Variants in SPRED2 observed in about 807,000 individuals in gnomAD.
SPRED2 encodes sprouty related EVH1 domain containing 2.
Under a neutral mutation model 43.0 loss-of-function variants are expected in SPRED2, and 47 were observed. The observed-to-expected ratio is 1.09, with a 90% CI of 0.87 to 1.40. SPRED2 has a LOEUF of 1.40. Among genes scored for constraint, SPRED2 ranks in the 40% most tolerant of loss-of-function variants. SPRED2 has a pLI of 0.00. For missense variants in SPRED2, 561 were observed against 586.4 expected (o/e 0.96, Z 0.45); for synonymous variants, 225 against 225.7 (o/e 1.00, Z 0.03).
chr2:65,316,367 G>A (rs532608832), intron 5 of SPRED2, among the ~76,000 whole-genome samples: 3 of 152,242 alleles, frequency 2.0e-5, no homozygotes, highest in African/African-American at 7.2e-5. Context: ...AATGCAGGAC[G>A]CAGTGTAGCC....
chr2:65,313,954 G>T lies in SPRED2; in HGVS notation c.804C>A (p.Tyr268Ter). The T allele has an allele frequency of 6.2e-7, 1 of 1,612,236 alleles. No homozygotes were observed. The highest frequency in any genetic ancestry group is 8.5e-7 in the Non-Finnish European group (1 of 1,180,012). ...EVPKHDYNYP[Y>*]VDSSDFGLGE... ...CTAGGCCAAAGTCTGAGGAGTCCACGTAGGGGTAGTTGTAGTCATGCTTGG... is the reference window on the plus strand; with the variant it reads ...CTAGGCCAAAGTCTGAGGAGTCCACTTAGGGGTAGTTGTAGTCATGCTTGG... Residue 268 changes from tyrosine (Y) to a stop codon, truncating the protein, a stop_gained, in exon 6 of 6, where the codon TAC becomes TAA. Transcript: ENST00000356388. LOFTEE classifies it high-confidence loss of function.
chr2:65,315,822 C>A (rs1673216302), intron 5 of SPRED2, among the ~76,000 whole-genome samples: 1 of 152,204 alleles, frequency 6.6e-6, no homozygotes, highest in South Asian at 2.1e-4. Context: ...CCACACCCAG[C>A]TAATTTTTTG....
intron 1 of SPRED2, among the ~76,000 whole-genome samples, chr2:65,422,860 A>G (rs1044663497): frequency 6.6e-6 from 1 of 152,206 alleles, no homozygotes; most frequent in African/African-American, 2.4e-5. Flanking sequence ...TCAGGGCCAG[A>G]GGTGAGCTGT....
intron 1 of SPRED2, among the ~76,000 whole-genome samples, chr2:65,384,108 A>G (rs1002638263): frequency 2.6e-5 from 4 of 151,932 alleles, no homozygotes; most frequent in African/African-American, 9.7e-5. Flanking sequence ...CTCAGCTAGA[A>G]GCCTCAGCCA....
At chr2:65,371,898 A>G (rs1182701210) in intron 1 of SPRED2, among the ~76,000 whole-genome samples, 2 of 152,134 alleles carry the variant, frequency 1.3e-5, no homozygotes, top group African/African-American at 4.8e-5. Context: ...TAACATGGTG[A>G]AAGCCCGTCT....
downstream of SPRED2, among the ~76,000 whole-genome samples, chr2:65,308,776 T>C (rs1224447368): frequency 6.6e-6 from 1 of 152,262 alleles, no homozygotes; most frequent in Admixed American, 6.5e-5. Flanking sequence ...GGCTGTCCAG[T>C]GACCTTTATG....
chr2:65,336,969 A>G (rs1490018020), intron 2 of SPRED2, among the ~76,000 whole-genome samples: 2 of 152,248 alleles, frequency 1.3e-5, no homozygotes, highest in Non-Finnish European at 2.9e-5. Flanking sequence ...TTAGCCGGGC[A>G]TGGTGGCGGG....
chr2:65,366,817 T>C, intron 1 of SPRED2: 1 of 1,256,812 alleles, frequency 8.0e-7, no homozygotes, highest in Non-Finnish European at 1.0e-6. Context: ...ATAGGCCTGT[T>C]GTGTCATTAC....
chr2:65,350,919 G>C (rs1156505704), intron 1 of SPRED2, among the ~76,000 whole-genome samples: 1 of 152,224 alleles, frequency 6.6e-6, no homozygotes, highest in African/African-American at 2.4e-5. Flanking sequence ...CTCAGGAGCT[G>C]AAGAAACCTC....
At chr2:65,346,080 C>T (rs1572857712) in intron 1 of SPRED2, among the ~76,000 whole-genome samples, 1 of 152,304 alleles carries the variant, frequency 6.6e-6, no homozygotes, top group East Asian at 1.9e-4. Context: ...TTCCCTGGGC[C>T]TCAGGGAAGA....
rs1040923640 is a variant in SPRED2, at chr2:65,373,235, C to T, written c.27-28339G>A. ...CTTCTTTGTGCTTCAAATTCCTTGT[C>T]TAGAAAATGCAGGGTTTAAACTAGT... On this transcript the variant is annotated intron_variant, in intron 1 of 5. Transcript: ENST00000356388. Among the ~76,000 whole-genome samples, 3 of 152,264 alleles carry T rather than the reference C, an allele frequency of 2.0e-5. No homozygotes were observed. In the East Asian group the frequency reaches 5.8e-4, roughly 29 times the overall value.
In SPRED2 at chr2:65,354,060, G is replaced by T. The variant is rs186099333; in HGVS notation, c.27-9164C>A. 7.0e-4 allele frequency among the ~76,000 whole-genome samples: 107 copies of T among 152,316 alleles called. 1 individual carries two copies. The highest frequency in any genetic ancestry group is 3.4e-3 in the Middle Eastern group (1 of 294). On this transcript the variant is annotated intron_variant, in intron 1 of 5. Transcript: ENST00000356388. ...TGAAGCAAAGACACAAAGGAACAAA[G>T]ATCAGAGCTGGAAGTTAAACACGTA...
chr2:65,430,288 C>A (rs1357614830), intron 1 of SPRED2, among the ~76,000 whole-genome samples: 1 of 152,166 alleles, frequency 6.6e-6, no homozygotes, highest in African/African-American at 2.4e-5. Flanking sequence ...GAAACACCAG[C>A]AGATGCGGTG....
chr2:65,307,367 T>G (rs1290109135), downstream of SPRED2, among the ~76,000 whole-genome samples: 3 of 152,060 alleles, frequency 2.0e-5, no homozygotes, highest in African/African-American at 7.2e-5. Flanking sequence ...GGCTAATTTT[T>G]GTATTTTTAG....
chr2:65,427,290 G>A (rs746395656), intron 1 of SPRED2, among the ~76,000 whole-genome samples: 4 of 152,068 alleles, frequency 2.6e-5, no homozygotes, highest in East Asian at 1.9e-4. Flanking sequence ...TGTTGCCCAG[G>A]CTGGTTTTCC....
intron 1 of SPRED2, among the ~76,000 whole-genome samples, chr2:65,368,961 G>A (rs1429196973): frequency 6.6e-6 from 1 of 152,152 alleles, no homozygotes; most frequent in African/African-American, 2.4e-5. Flanking sequence ...TGTGGTCCCA[G>A]CTACACAGAA....
intron 1 of SPRED2, among the ~76,000 whole-genome samples, chr2:65,417,006 T>C (rs560777070): frequency 2.0e-5 from 3 of 152,230 alleles, no homozygotes; most frequent in South Asian, 2.1e-4. Flanking sequence ...AACTCCTCCT[T>C]CTTCTCTCTC....
chr2:65,428,302 A>G (rs1466558509), intron 1 of SPRED2, among the ~76,000 whole-genome samples: 4 of 152,258 alleles, frequency 2.6e-5, no homozygotes, highest in African/African-American at 9.6e-5. Context: ...CTGACATGAC[A>G]TATGAAAGTA....
rs1468785473 is a variant in SPRED2 at position 65,311,371 on chromosome 2, G to A, written c.*2130C>T. On this transcript the variant is annotated 3_prime_UTR_variant, in exon 6 of 6. Coordinates refer to ENST00000356388, the MANE Select transcript of SPRED2 (RefSeq NM_181784.3). Reference sequence around the variant, plus strand: ...CTGCTAGCGTAACTCTTAAAAGGGTGGAAAAGGACAAGGGGTGAAAGAAGA... The same window carrying A: ...CTGCTAGCGTAACTCTTAAAAGGGTAGAAAAGGACAAGGGGTGAAAGAAGA... The A allele has an allele frequency of 1.0e-6, 1 of 985,696 alleles. No homozygotes were observed. Among genetic ancestry groups the A allele is most frequent in the Non-Finnish European group, 1.2e-6 (1 of 829,932 alleles). The allele number at this position is 985,696 out of a possible 1,614,324, so 61.1% of individuals were successfully genotyped here.
Sources: gnomAD v4.1 joint callset for allele counts (sites outside exome capture counted in the v4.1 genomes callset) on GRCh38, gnomAD v4.1.1 for gene constraint, MANE v1.5 for transcripts, NCBI Gene and HGNC (gene_info 2026-07-23, HGNC 2026-07-21) for gene names.